IRAG2: variants seen among roughly 807,000 people sequenced by gnomAD.
The protein encoded by IRAG2 is lymphoid restricted membrane protein.
IRAG2 carries 45 observed loss-of-function variants against 69.9 expected under a neutral mutation model. The ratio of observed to expected loss-of-function variants is 0.64; its 90% CI spans 0.51 to 0.83. The LOEUF is 0.83. IRAG2 is among the 40% of genes least tolerant of loss of function. The pLI is 0.00. For synonymous variants in IRAG2, 193 were observed against 202.4 expected (o/e 0.95, Z 0.40); for missense variants, 520 against 587.0 (o/e 0.89, Z 1.18).
chr12:25,084,489 A>G lies in IRAG2; in HGVS notation c.315+996A>G, dbSNP rs118129434. Among the ~76,000 whole-genome samples the G allele has an allele frequency of 2.2e-3, 342 of 152,160 alleles. 7 individuals are homozygous for G. The East Asian group carries it at 0.056, about 25-fold the overall frequency. On this transcript the variant is annotated intron_variant, in intron 10 of 21. Transcript: ENST00000556887. ...ACAGGTCTAATTTCATGATTCTTCA[A>G]GGGTCTTGCTTATGTCTTGCTTATG...
intron 1 of IRAG2, among the ~76,000 whole-genome samples, chr12:25,059,789 A>G (rs980129401): frequency 3.3e-5 from 5 of 152,322 alleles, no homozygotes; most frequent in African/African-American, 1.2e-4. Flanking sequence ...TTTTACCAAA[A>G]AAAAGTCCTA....
intron 15 of IRAG2, among the ~76,000 whole-genome samples, chr12:25,099,366 T>TG (rs1030787027): frequency 1.3e-5 from 2 of 152,188 alleles, no homozygotes; most frequent in African/African-American, 2.4e-5. Flanking sequence ...CAGAGGGAGC[T>TG]GGGGTAATTC....
chr12:25,049,035 G>A (rs551977966), upstream of IRAG2, among the ~76,000 whole-genome samples: 14 of 152,296 alleles, frequency 9.2e-5, no homozygotes, highest in African/African-American at 3.1e-4. Flanking sequence ...TGTCAGGTTT[G>A]TCAAAGATCA....
At chr12:25,078,901 T>C (rs1002025452) in intron 6 of IRAG2, among the ~76,000 whole-genome samples, 1 of 152,372 alleles carries the variant, frequency 6.6e-6, no homozygotes, top group Non-Finnish European at 1.5e-5. Flanking sequence ...TGTTGTTTCA[T>C]GCCCTTGTAG....
intron 6 of IRAG2, 119 bp from the exon 7 acceptor site, chr12:25,079,125 A>G: frequency 1.0e-6 from 1 of 981,902 alleles, no homozygotes; most frequent in Admixed American, 1.8e-5. Flanking sequence ...ATCCTTTCCA[A>G]AAGAGCTGAG....
At chr12:25,015,630 A>C (rs1019220458) in intron 5 of IRAG2, among the ~76,000 whole-genome samples, 6 of 152,216 alleles carry the variant, frequency 3.9e-5, no homozygotes, top group African/African-American at 1.4e-4. Context: ...TTCTCGTATG[A>C]CTAGTAATCC....
At position 25,080,512 on chromosome 12, in the gene IRAG2, C is replaced by T. The variant is rs113051236; in HGVS notation, c.244+749C>T. ...GACTACAGGTGCCCGCCACCACGCC[C>T]ATCTAATTTTTTTGTATTTTTAGTA... On this transcript the variant is annotated intron_variant, in intron 9 of 21. Transcript: ENST00000556887. Among the ~76,000 whole-genome samples, 806 of 152,094 alleles carry T rather than the reference C, an allele frequency of 5.3e-3. 6 individuals are homozygous for T. The highest frequency in any genetic ancestry group is 0.017 in the African/African-American group (696 of 41,484).
In IRAG2 at chr12:25,101,320, A is replaced by T; in HGVS notation, c.884A>T (p.Asp295Val). The T allele has an allele frequency of 6.3e-7, 1 of 1,589,706 alleles. No individual in the cohort carries two copies. Among genetic ancestry groups the T allele is most frequent in the Non-Finnish European group, 8.6e-7 (1 of 1,168,202 alleles). ...QNERSFNPLE[D>V]DDDCQIKKRS... ...GAAAGGTCTTTCAATCCTCTTGAAGATGATGGTAATAAAAGTTTATGATAA... is the reference window on the plus strand; with the variant it reads ...GAAAGGTCTTTCAATCCTCTTGAAGTTGATGGTAATAAAAGTTTATGATAA... Residue 295 changes from aspartate to valine, a missense_variant, in exon 16 of 22, where the codon GAT (aspartate) becomes GTT (valine). Coordinates refer to ENST00000556887, the MANE Select transcript of IRAG2 (RefSeq NM_001366544.2).
chr12:25,033,949 T>A lies in IRAG2; in HGVS notation c.1743+2T>A, dbSNP rs1944687586. 2.5e-6 allele frequency: 1 copy of A among 398,994 alleles called. No individual in the cohort carries two copies. Among genetic ancestry groups the A allele is most frequent in the Non-Finnish European group, 4.4e-6 (1 of 226,026 alleles). 24.7% of individuals were successfully genotyped at this position (398,994 alleles called of 1,614,324 possible). ...CTCACTCTTGCTCAGTCTGCAGAGG[T>A]AGGTCATTATAAGAAGATGGAAAGC... On this transcript the variant is annotated splice_donor_variant, in intron 13 of 38. Transcript: ENST00000636465. LOFTEE classifies it high-confidence loss of function.
At chr12:25,086,148 G>A (rs1592054508) in intron 10 of IRAG2, among the ~76,000 whole-genome samples, 1 of 152,180 alleles carries the variant, frequency 6.6e-6, no homozygotes, top group African/African-American at 2.4e-5. Flanking sequence ...TGGAAGTTGT[G>A]GGACTGGTTA....
At chr12:25,000,718 C>T (rs760132162), upstream of IRAG2, among the ~76,000 whole-genome samples, 51 of 152,352 alleles carry the variant, frequency 3.3e-4, no homozygotes, top group Non-Finnish European at 5.9e-4. Flanking sequence ...ATTGGGTTAT[C>T]TACAAGTGTA....
At chr12:25,030,280 G>T (rs890257451) in exon 10 of IRAG2, 8 of 1,231,548 alleles carry the variant, frequency 6.5e-6, no homozygotes, top group Non-Finnish European at 8.1e-6. Context: ...CTTTTCAGAT[G>T]CAGTTACACA....
chr12:25,077,277 A>AAT (rs1172159542), intron 6 of IRAG2, among the ~76,000 whole-genome samples: 693 of 21,704 alleles, frequency 0.032, 110 homozygotes, highest in Non-Finnish European at 0.038. Flanking sequence ...ATATATATGA[A>AAT]ATATATATGA....
chr12:25,096,835 G>T, intron 14 of IRAG2, 75 bp from the exon 15 acceptor site: 3 of 1,164,566 alleles, frequency 2.6e-6, no homozygotes, highest in Non-Finnish European at 3.6e-6. Flanking sequence ...ATCCACATTT[G>T]CAACTTAGTC....
chr12:25,074,648 C>G (rs1180087551), intron 6 of IRAG2, among the ~76,000 whole-genome samples: 1 of 152,152 alleles, frequency 6.6e-6, no homozygotes, highest in Non-Finnish European at 1.5e-5. Context: ...AGAAAATTAG[C>G]TGGTCATATT....
intron 4 of IRAG2, among the ~76,000 whole-genome samples, chr12:25,066,076 C>T (rs912097864): frequency 6.6e-6 from 1 of 152,040 alleles, no homozygotes; most frequent in African/African-American, 2.4e-5. Context: ...TGACCTCTCC[C>T]ACACTTAAAA....
At chr12:25,020,345 C>T (rs1944568052) in intron 6 of IRAG2, among the ~76,000 whole-genome samples, 1 of 152,130 alleles carries the variant, frequency 6.6e-6, no homozygotes, top group Non-Finnish European at 1.5e-5. Context: ...TTGTCATCTC[C>T]CTCCATAGTA....
chr12:25,080,574 G>T (rs377675897), intron 9 of IRAG2, among the ~76,000 whole-genome samples: 12 of 151,964 alleles, frequency 7.9e-5, no homozygotes, highest in Admixed American at 1.3e-4. Flanking sequence ...GGATGGTCTC[G>T]ATCTCCTGAC....
Position 25,102,188 on chromosome 12 carries a change from T to C in IRAG2, c.890-10T>C, listed in dbSNP as rs760822933. 1 of 1,611,994 alleles carries C rather than the reference T, an allele frequency of 6.2e-7. No homozygotes were observed. Among genetic ancestry groups the C allele is most frequent in the Non-Finnish European group, 8.5e-7 (1 of 1,178,502 alleles). On this transcript the variant is annotated splice_polypyrimidine_tract_variant and intron_variant, in intron 16 of 21. Coordinates refer to ENST00000556887, the MANE Select transcript of IRAG2 (RefSeq NM_001366544.2). ...ATAGCTAAAATGTGTCAATGTGTTTTTCCTTTCAGATGACTGCCAAATTAA... is the reference window on the plus strand; with the variant it reads ...ATAGCTAAAATGTGTCAATGTGTTTCTCCTTTCAGATGACTGCCAAATTAA...
Sources: allele counts gnomAD v4.1 joint callset (sites outside exome capture counted in the v4.1 genomes callset), GRCh38; gene constraint gnomAD v4.1.1; transcripts MANE v1.5; gene names NCBI Gene and HGNC (gene_info 2026-07-23, HGNC 2026-07-21).